Variants in ARHGAP24 observed in about 807,000 individuals in gnomAD.
The protein encoded by ARHGAP24 is rho GTPase-activating protein 24.
ARHGAP24 carries 50 observed loss-of-function variants against 76.4 expected under a neutral mutation model. The observed-to-expected ratio is 0.65, with a 90% CI of 0.52 to 0.83. ARHGAP24 has a LOEUF of 0.83. Among genes scored for constraint, ARHGAP24 ranks in the 40% least tolerant of loss-of-function variants. The pLI is 0.00. For synonymous variants in ARHGAP24, 345 were observed against 323.3 expected (o/e 1.07, Z -0.72); for missense variants, 930 against 914.2 (o/e 1.02, Z -0.22).
intron 3 of ARHGAP24, among the ~76,000 whole-genome samples, chr4:85,802,723 G>A (rs1271250511): frequency 2.6e-5 from 4 of 152,144 alleles, no homozygotes; most frequent in East Asian, 1.9e-4. Flanking sequence ...CCCAGGAGGC[G>A]GAGGTTGTGG....
intron 2 of ARHGAP24, among the ~76,000 whole-genome samples, chr4:85,654,450 G>A (rs1273611686): frequency 6.6e-6 from 1 of 152,122 alleles, no homozygotes; most frequent in Non-Finnish European, 1.5e-5. Flanking sequence ...TACTTTTTAT[G>A]AGTAGTCAGA....
At chr4:85,665,661 C>T (rs1252019879) in intron 2 of ARHGAP24, among the ~76,000 whole-genome samples, 1 of 152,142 alleles carries the variant, frequency 6.6e-6, no homozygotes, top group African/African-American at 2.4e-5. Flanking sequence ...ACCGGTTTTT[C>T]CTTTCCATGT....
intron 2 of ARHGAP24, among the ~76,000 whole-genome samples, chr4:85,626,632 T>C (rs568073625): frequency 1.3e-5 from 2 of 152,182 alleles, no homozygotes; most frequent in Admixed American, 6.5e-5. Flanking sequence ...TGCCTTGCTA[T>C]ATTGGGGAAG....
At chr4:85,902,721 A>G (rs1400123401) in intron 3 of ARHGAP24, among the ~76,000 whole-genome samples, 3 of 152,182 alleles carry the variant, frequency 2.0e-5, no homozygotes, top group Non-Finnish European at 2.9e-5. Context: ...GTCCTGCCTC[A>G]GCCTCCTAAG....
At chr4:85,763,066 A>G (rs1726791074) in intron 3 of ARHGAP24, among the ~76,000 whole-genome samples, 1 of 152,194 alleles carries the variant, frequency 6.6e-6, no homozygotes, top group South Asian at 2.1e-4. Flanking sequence ...CATCTTCAAT[A>G]CATTGTATTA....
At chr4:85,798,275 C>T (rs1458620642) in intron 3 of ARHGAP24, among the ~76,000 whole-genome samples, 2 of 152,124 alleles carry the variant, frequency 1.3e-5, no homozygotes, top group African/African-American at 4.8e-5. Context: ...CAGTGAAAAG[C>T]ATATCTCAAA....
intron 3 of ARHGAP24, among the ~76,000 whole-genome samples, chr4:85,921,945 T>G (rs1480194661): frequency 6.6e-6 from 1 of 152,082 alleles, no homozygotes; most frequent in African/African-American, 2.4e-5. Context: ...AACAATGTCT[T>G]CCACAAAACT....
At chr4:85,847,792 A>G (rs6834349) in intron 3 of ARHGAP24, among the ~76,000 whole-genome samples, 86,585 of 151,858 alleles carry the variant, frequency 0.57, 25,103 homozygotes, top group East Asian at 0.86. Context: ...TAGAGATTAG[A>G]GATTAGGAAG....
intron 3 of ARHGAP24, among the ~76,000 whole-genome samples, chr4:85,765,313 G>T (rs988409664): frequency 1.3e-5 from 2 of 152,102 alleles, no homozygotes; most frequent in Admixed American, 6.5e-5. Context: ...ACACCTGCAA[G>T]TGGCATTAAA....
intron 8 of ARHGAP24, among the ~76,000 whole-genome samples, chr4:85,981,087 A>C (rs1374968911): frequency 6.6e-6 from 1 of 152,176 alleles, no homozygotes; most frequent in Non-Finnish European, 1.5e-5. Flanking sequence ...TGTATAAAGC[A>C]CTTCTGCATG....
chr4:85,971,917 G>T, intron 5 of ARHGAP24, 119 bp from the exon 6 acceptor site: 1 of 1,439,444 alleles, frequency 6.9e-7, no homozygotes, highest in Non-Finnish European at 9.6e-7. Context: ...CTGAAAACTG[G>T]GTTGATTCAT....
At chr4:85,929,090 G>T (rs1311418012) in intron 4 of ARHGAP24, among the ~76,000 whole-genome samples, 1 of 152,182 alleles carries the variant, frequency 6.6e-6, no homozygotes, top group East Asian at 1.9e-4. Flanking sequence ...TGAAAATCCT[G>T]TGATTACAGG....
chr4:85,883,847 G>T (rs1733400976), intron 3 of ARHGAP24, among the ~76,000 whole-genome samples: 1 of 152,040 alleles, frequency 6.6e-6, no homozygotes, highest in Non-Finnish European at 1.5e-5. Flanking sequence ...GAGTATAGCT[G>T]CTTGTTCTAG....
chr4:85,823,549 G>A (rs997733175), intron 3 of ARHGAP24, among the ~76,000 whole-genome samples: 3 of 152,286 alleles, frequency 2.0e-5, no homozygotes, highest in East Asian at 1.9e-4. Context: ...GTGTTTTGAT[G>A]GAACAGCAGC....
chr4:85,767,900 T>G (rs545042093), intron 3 of ARHGAP24, among the ~76,000 whole-genome samples: 48 of 152,330 alleles, frequency 3.2e-4, no homozygotes, highest in African/African-American at 1.1e-3. Context: ...ATGCGTACAC[T>G]ATTAACTTCT....
intron 3 of ARHGAP24, among the ~76,000 whole-genome samples, chr4:85,891,516 T>A (rs1733889947): frequency 1.9e-5 from 1 of 52,830 alleles, no homozygotes; most frequent in Non-Finnish European, 3.8e-5. Flanking sequence ...TAGCTCTTAT[T>A]ATTTTGAAAT....
intron 3 of ARHGAP24, among the ~76,000 whole-genome samples, chr4:85,766,072 G>T (rs957568817): frequency 6.6e-6 from 1 of 152,054 alleles, no homozygotes; most frequent in East Asian, 1.9e-4. Context: ...TCTGCTTTCA[G>T]CCTAAGGTAA....
intron 2 of ARHGAP24, among the ~76,000 whole-genome samples, chr4:85,696,596 A>G (rs989010662): frequency 2.0e-5 from 3 of 152,120 alleles, no homozygotes; most frequent in African/African-American, 7.2e-5. Flanking sequence ...ATGCTTTTGT[A>G]TTATTTTAAG....
At chr4:85,971,458 C>T (rs1738978667) in intron 5 of ARHGAP24, among the ~76,000 whole-genome samples, 1 of 152,024 alleles carries the variant, frequency 6.6e-6, no homozygotes, top group Non-Finnish European at 1.5e-5. Flanking sequence ...TCAAATCACA[C>T]TGAGGGTTCT....
Sources: gnomAD v4.1 joint callset for allele counts (sites outside exome capture counted in the v4.1 genomes callset) on GRCh38, gnomAD v4.1.1 for gene constraint, MANE v1.5 for transcripts, NCBI Gene and HGNC (gene_info 2026-07-23, HGNC 2026-07-21) for gene names.